The following HAO1 variants were observed in gnomAD, a reference collection of about 807,000 sequenced individuals.
HAO1 encodes the protein 2-Hydroxyacid oxidase 1.
Under a neutral mutation model 39.7 loss-of-function variants are expected in HAO1, and 34 were observed. The ratio of observed to expected loss-of-function variants is 0.86; its 90% CI spans 0.65 to 1.14. The LOEUF (loss-of-function observed/expected upper bound fraction) is 1.14. Ranked by LOEUF, HAO1 falls within the 50% of genes most tolerant of loss-of-function variation. The pLI is 0.00. For missense variants in HAO1, 479 were observed against 464.5 expected, an observed-to-expected ratio of 1.03 and a Z score of -0.29; for synonymous variants, 172 against 173.2, an observed-to-expected ratio of 0.99 and a Z score of 0.05.
intron 2 of HAO1, among the ~76,000 whole-genome samples, chr20:7,933,696 C>T (rs980165952): frequency 6.6e-6 from 1 of 152,178 alleles, no homozygotes; most frequent in African/African-American, 2.4e-5. Flanking sequence ...TCTTTTTCTG[C>T]TCTGCTTAGC....
intron 7 of HAO1, among the ~76,000 whole-genome samples, chr20:7,884,064 C>T (rs112695037): frequency 2.6e-5 from 4 of 152,080 alleles, no homozygotes; most frequent in African/African-American, 7.2e-5. Context: ...GGGAACAATC[C>T]AGATGATATG....
At chr20:7,901,629 A>T (rs2050221828) in intron 4 of HAO1, among the ~76,000 whole-genome samples, 1 of 152,232 alleles carries the variant, frequency 6.6e-6, no homozygotes, top group Admixed American at 6.5e-5. Context: ...TAATGTTTTT[A>T]TGCCTGTTAA....
intron 1 of HAO1, among the ~76,000 whole-genome samples, chr20:7,936,856 G>A (rs2050414911): frequency 6.6e-6 from 1 of 152,074 alleles, no homozygotes; most frequent in African/African-American, 2.4e-5. Flanking sequence ...TTTTCAAATA[G>A]TAGTAACAAC....
intron 2 of HAO1, among the ~76,000 whole-genome samples, chr20:7,930,992 A>G (rs1360816603): frequency 6.6e-6 from 1 of 152,218 alleles, no homozygotes; most frequent in African/African-American, 2.4e-5. Flanking sequence ...TGAGCTGATG[A>G]CCATCAGCTT....
At chr20:7,885,481 C>G (rs779135395) in intron 7 of HAO1, 40 bp downstream of exon 7, 1 of 1,326,436 alleles carries the variant, frequency 7.5e-7, no homozygotes, top group East Asian at 2.3e-5. Context: ...ACTTAAAGAT[C>G]ATAAAAGAAA....
At chr20:7,891,683 T>C (rs1353698019) in intron 5 of HAO1, among the ~76,000 whole-genome samples, 1 of 152,188 alleles carries the variant, frequency 6.6e-6, no homozygotes, top group Non-Finnish European at 1.5e-5. Context: ...AAGTCTTAGG[T>C]TCGGTTATTG....
At chr20:7,885,891 G>A in intron 5 of HAO1, 27 bp from the exon 6 acceptor site, 1 of 1,594,596 alleles carries the variant, frequency 6.3e-7, no homozygotes, top group Non-Finnish European at 8.6e-7. Flanking sequence ...TCAATAATGT[G>A]ACTCTATTAA....
rs1311223380 is a variant in HAO1, at chr20:7,909,375, A to ATATATG, written c.546-3047_546-3046insCATATA. Among the ~76,000 whole-genome samples, 443 of 99,774 alleles carry ATATATG rather than the reference A, an allele frequency of 4.4e-3. 12 individuals carry two copies. The highest frequency in any genetic ancestry group is 0.022 in the African/African-American group (404 of 18,060). The allele number at this position is 99,774 out of a possible 152,430, so 65.5% of individuals were successfully genotyped here. On this transcript the variant is annotated intron_variant, in intron 3 of 7. Coordinates refer to ENST00000378789, the MANE Select transcript of HAO1 (RefSeq NM_017545.3). The stretch of plus-strand genomic sequence containing the variant: ...CGGATTATGACATATATATATATAT[A>ATATATG]TATGTATATATATATATATATATAT...
intron 4 of HAO1, among the ~76,000 whole-genome samples, chr20:7,899,641 C>T (rs2050212711): frequency 6.6e-6 from 1 of 152,112 alleles, no homozygotes; most frequent in African/African-American, 2.4e-5. Flanking sequence ...TTGTGAATTT[C>T]TAGAGAAGCA....
rs6117982 is a variant in HAO1, at chr20:7,896,400, G to A, written c.722-1176C>T. On this transcript the variant is annotated intron_variant, in intron 4 of 7. Transcript: ENST00000378789. Reference sequence around the variant, plus strand: ...GGTCATTGGTAATCTGTAAAATTAAGCAATGGAGATAATGGGCAGACTTGA... The same window carrying A: ...GGTCATTGGTAATCTGTAAAATTAAACAATGGAGATAATGGGCAGACTTGA... 6.0e-3 allele frequency among the ~76,000 whole-genome samples: 915 copies of A among 152,206 alleles called. 6 individuals carry two copies. Among genetic ancestry groups the A allele is most frequent in the African/African-American group, 0.021 (893 of 41,542 alleles).
At chr20:7,902,300 T>C (rs1568512356) in intron 4 of HAO1, among the ~76,000 whole-genome samples, 1 of 152,200 alleles carries the variant, frequency 6.6e-6, no homozygotes, top group Non-Finnish European at 1.5e-5. Context: ...CTTCATTGTC[T>C]TATTTTAAGA....
chr20:7,919,678 G>T (rs926331600), intron 2 of HAO1, among the ~76,000 whole-genome samples: 3 of 152,140 alleles, frequency 2.0e-5, no homozygotes, highest in Non-Finnish European at 4.4e-5. Context: ...ATCATCTACT[G>T]GGGCAATGTT....
At chr20:7,903,498 G>C (rs1051560665) in intron 4 of HAO1, among the ~76,000 whole-genome samples, 1 of 151,904 alleles carries the variant, frequency 6.6e-6, no homozygotes, top group African/African-American at 2.4e-5. Context: ...GGTGATAGGA[G>C]TGGTGGAGGT....
intron 2 of HAO1, among the ~76,000 whole-genome samples, chr20:7,927,361 A>G (rs1276953735): frequency 6.6e-6 from 1 of 152,158 alleles, no homozygotes; most frequent in Non-Finnish European, 1.5e-5. Flanking sequence ...TTCTTTAAAG[A>G]ATATAAAGAA....
At chr20:7,931,544 G>A (rs898300818) in intron 2 of HAO1, among the ~76,000 whole-genome samples, 3 of 152,128 alleles carry the variant, frequency 2.0e-5, no homozygotes, top group African/African-American at 7.2e-5. Context: ...TAATATGATC[G>A]ATTTATTTGG....
chr20:7,936,547 TTCGCGCGCGCGCGC>T (rs2050412103), intron 1 of HAO1, among the ~76,000 whole-genome samples: 17 of 136,694 alleles, frequency 1.2e-4, no homozygotes, highest in Non-Finnish European at 1.7e-4. Flanking sequence ...TGTGTGTGTG[TTCGCGCGCGCGCGC>T]GCGCGTGCGT....
At chr20:7,937,050 C>A (rs1332638444) in intron 1 of HAO1, among the ~76,000 whole-genome samples, 2 of 151,988 alleles carry the variant, frequency 1.3e-5, no homozygotes, top group South Asian at 4.2e-4. Context: ...AATAATAAAC[C>A]GTTTTCAAAG....
intron 5 of HAO1, among the ~76,000 whole-genome samples, chr20:7,890,210 T>G (rs190119360): frequency 5.7e-4 from 86 of 152,044 alleles, no homozygotes; most frequent in African/African-American, 1.4e-3. Context: ...GGTTTGTTTT[T>G]TTTTGTTTTG....
Position 7,906,287 on chromosome 20 carries a change from C to A in HAO1, c.588G>T (p.Glu196Asp), listed in dbSNP as rs1327009409. ...FETSTLSFSPEENFGDDSGLA... is the reference protein window; with the variant it reads ...FETSTLSFSPDENFGDDSGLA... ...GTCCACTGTCGTCTCCAAAATTTTC[C>A]TCAGGAGAAAATGATAAAGTACTGG... Residue 196 changes from glutamate to aspartate, a missense_variant, in exon 4 of 8, where the codon GAG (glutamate) becomes GAT (aspartate). Transcript: ENST00000378789. The A allele has an allele frequency of 6.2e-7, 1 of 1,612,000 alleles. No individual in the cohort carries two copies. Among genetic ancestry groups the A allele is most frequent in the Non-Finnish European group, 8.5e-7 (1 of 1,178,342 alleles).
Sources: gnomAD v4.1 joint callset for allele counts (sites outside exome capture counted in the v4.1 genomes callset) on GRCh38, gnomAD v4.1.1 for gene constraint, MANE v1.5 for transcripts, NCBI Gene and HGNC (gene_info 2026-07-23, HGNC 2026-07-21) for gene names.